KLF12: variants seen among roughly 807,000 people sequenced by gnomAD.
KLF12 encodes Krueppel-like factor 12.
Under a neutral mutation model 37.8 loss-of-function variants are expected in KLF12, and 9 were observed. The ratio of observed to expected loss-of-function variants is 0.24; its 90% CI spans 0.14 to 0.42. The LOEUF is 0.42. Among genes scored for constraint, KLF12 ranks in the 10% least tolerant of loss-of-function variants. The probability of loss-of-function intolerance (pLI) is 1.00; values close to 1 mark genes in which losing one functional copy is unlikely to be tolerated. For synonymous variants in KLF12, 208 were observed against 202.1 expected, an observed-to-expected ratio of 1.03 and a Z score of -0.25; for missense variants, 411 against 516.0, an observed-to-expected ratio of 0.80 and a Z score of 1.97.
At chr13:73,899,823 G>A (rs1887957493) in intron 3 of KLF12, among the ~76,000 whole-genome samples, 2 of 152,116 alleles carry the variant, frequency 1.3e-5, no homozygotes, top group African/African-American at 4.8e-5. Context: ...CTTGGGCTTT[G>A]GGACTTGGAC....
the KLF12 span, among the ~76,000 whole-genome samples, chr13:74,245,987 G>T: frequency 3.3e-5 from 5 of 152,306 alleles, no homozygotes; most frequent in South Asian, 1.0e-3. Context: ...GTTATTGTTG[G>T]TAATCAAAAC....
chr13:74,257,957 A>G, the KLF12 span: 1 of 152,166 alleles, frequency 6.6e-6, no homozygotes, highest in East Asian at 1.9e-4. Flanking sequence ...GGTCACTTAG[A>G]TAAATATCTT....
At chr13:73,858,589 C>T (rs567394335) in intron 3 of KLF12, among the ~76,000 whole-genome samples, 2 of 152,168 alleles carry the variant, frequency 1.3e-5, no homozygotes, top group Admixed American at 1.3e-4. Context: ...TGATGAAAAG[C>T]TTTCCATCAG....
At chr13:73,949,962 T>C (rs76720431) in intron 2 of KLF12, among the ~76,000 whole-genome samples, 3 of 151,224 alleles carry the variant, frequency 2.0e-5, no homozygotes, top group African/African-American at 7.3e-5. Context: ...CCCATATGTT[T>C]CAATGATCCA....
At chr13:74,239,076 T>G in the KLF12 span, among the ~76,000 whole-genome samples, 12 of 147,242 alleles carry the variant, frequency 8.1e-5, no homozygotes, top group South Asian at 2.3e-4. Flanking sequence ...TTGTGGGCAT[T>G]TAGTGCTATA....
chr13:73,733,041 G>A (rs1303466977), intron 6 of KLF12, among the ~76,000 whole-genome samples: 2 of 152,094 alleles, frequency 1.3e-5, no homozygotes, highest in African/African-American at 4.8e-5. Context: ...CATCTTCACT[G>A]CCATACTCAT....
intron 1 of KLF12, among the ~76,000 whole-genome samples, chr13:74,123,602 A>G (rs949987412): frequency 6.6e-6 from 1 of 152,228 alleles, no homozygotes; most frequent in African/African-American, 2.4e-5. Flanking sequence ...CACACTCTCT[A>G]TTCCAGGGTC....
chr13:74,224,823 G>A, the KLF12 span, among the ~76,000 whole-genome samples: 1 of 152,110 alleles, frequency 6.6e-6, no homozygotes, highest in Non-Finnish European at 1.5e-5. Flanking sequence ...ATGCCAAAAT[G>A]TCAATTTAAC....
At chr13:74,273,799 C>A in the KLF12 span, among the ~76,000 whole-genome samples, 2 of 152,078 alleles carry the variant, frequency 1.3e-5, no homozygotes, top group Non-Finnish European at 2.9e-5. Context: ...ACAAGGATTA[C>A]ATAATGCATG....
the KLF12 span, among the ~76,000 whole-genome samples, chr13:74,202,604 A>G: frequency 6.6e-6 from 1 of 152,166 alleles, no homozygotes; most frequent in Non-Finnish European, 1.5e-5. Flanking sequence ...TCCAAGGGCC[A>G]ACCTCTCCCT....
chr13:73,834,315 T>A (rs1369093102), intron 4 of KLF12, among the ~76,000 whole-genome samples: 1 of 152,154 alleles, frequency 6.6e-6, no homozygotes, highest in Non-Finnish European at 1.5e-5. Context: ...AGCAAAGAAT[T>A]ACCCTTCTTC....
intron 3 of KLF12, among the ~76,000 whole-genome samples, chr13:73,896,572 G>C (rs1051400757): frequency 9.2e-5 from 14 of 152,166 alleles, no homozygotes; most frequent in South Asian, 2.1e-4. Flanking sequence ...GAAATCATTA[G>C]AGCAGCATAG....
intron 3 of KLF12, among the ~76,000 whole-genome samples, chr13:73,881,655 A>G (rs1886986431): frequency 6.6e-6 from 1 of 152,178 alleles, no homozygotes; most frequent in Admixed American, 6.5e-5. Context: ...TTTTTGCACA[A>G]CATGATTTTT....
chr13:73,840,604 C>T (rs762909065), intron 4 of KLF12, among the ~76,000 whole-genome samples: 14 of 152,134 alleles, frequency 9.2e-5, no homozygotes, highest in Non-Finnish European at 1.9e-4. Flanking sequence ...CACCATCCGA[C>T]CCATACTGCA....
chr13:74,202,351 G>A, the KLF12 span, among the ~76,000 whole-genome samples: 1 of 152,190 alleles, frequency 6.6e-6, no homozygotes, highest in East Asian at 1.9e-4. Flanking sequence ...CACATGGGTA[G>A]CTTATGCTCC....
chr13:74,235,891 G>A, the KLF12 span, among the ~76,000 whole-genome samples: 1 of 150,722 alleles, frequency 6.6e-6, no homozygotes, highest in Non-Finnish European at 1.5e-5. Flanking sequence ...TCATTCTCAG[G>A]TACCGAATTT....
intron 1 of KLF12, among the ~76,000 whole-genome samples, chr13:74,005,027 C>A (rs577906441): frequency 6.6e-6 from 1 of 152,024 alleles, no homozygotes; most frequent in South Asian, 2.1e-4. Flanking sequence ...TATGAAAATA[C>A]ATTTCAAAAA....
At chr13:74,228,967 C>G in the KLF12 span, among the ~76,000 whole-genome samples, 2 of 151,930 alleles carry the variant, frequency 1.3e-5, no homozygotes, top group Non-Finnish European at 2.9e-5. Flanking sequence ...ATCTACATCA[C>G]CAAATACTAA....
chr13:74,147,522 G>A, the KLF12 span, among the ~76,000 whole-genome samples: 2 of 152,286 alleles, frequency 1.3e-5, no homozygotes, highest in South Asian at 4.2e-4. Context: ...TAGTCACTGA[G>A]TTTTTTCAAA....
Sources: gnomAD v4.1 joint callset for allele counts (sites outside exome capture counted in the v4.1 genomes callset) on GRCh38, gnomAD v4.1.1 for gene constraint, MANE v1.5 for transcripts, NCBI Gene and HGNC (gene_info 2026-07-23, HGNC 2026-07-21) for gene names.